NRXN1: variants seen among roughly 807,000 people sequenced by gnomAD.
NRXN1 encodes the protein neurexin 1, also known as neurexin-1.
Under a neutral mutation model 150.9 loss-of-function variants are expected in NRXN1, and 39 were observed. The observed-to-expected ratio is 0.26, with a 90% confidence interval of 0.20 to 0.34. NRXN1 has a LOEUF of 0.34. Ranked by LOEUF, NRXN1 falls within the 10% of genes least tolerant of loss-of-function variation. The probability of loss-of-function intolerance (pLI) is 1.00; values close to 1 mark genes in which losing one functional copy is unlikely to be tolerated. For synonymous variants in NRXN1, 924 were observed against 757.0 expected (o/e 1.22, Z -3.62); for missense variants, 1,815 against 1,949.9 (o/e 0.93, Z 1.30).
intron 21 of NRXN1, chr2:49,974,324 C>G: frequency 2.2e-6 from 1 of 462,674 alleles, no homozygotes; most frequent in Admixed American, 3.3e-5. Flanking sequence ...CGGCACCACT[C>G]AAAAAGTCTC....
chr2:51,024,643 T>C (rs1452083474), intron 2 of NRXN1, among the ~76,000 whole-genome samples: 4 of 152,170 alleles, frequency 2.6e-5, no homozygotes, highest in African/African-American at 9.6e-5. Context: ...CATAAGTTGT[T>C]TCAAGGCACT....
chr2:50,297,671 T>G (rs1041427633), intron 17 of NRXN1, among the ~76,000 whole-genome samples: 7 of 152,184 alleles, frequency 4.6e-5, no homozygotes, highest in Admixed American at 6.5e-5. Context: ...GGTGGTAATT[T>G]AATCAAGACA....
chr2:50,370,907 T>C (rs192565624), intron 17 of NRXN1, among the ~76,000 whole-genome samples: 6 of 152,152 alleles, frequency 3.9e-5, no homozygotes, highest in Non-Finnish European at 7.4e-5. Context: ...GACAGTCTTG[T>C]GTGAACTGAA....
intron 8 of NRXN1, among the ~76,000 whole-genome samples, chr2:50,608,518 A>G (rs1309885238): frequency 6.8e-6 from 1 of 146,992 alleles, no homozygotes; most frequent in Non-Finnish European, 1.5e-5. Flanking sequence ...CCTAAAAACT[A>G]CAGCTTTTAG....
At chr2:50,108,825 C>T (rs1285829548) in intron 18 of NRXN1, among the ~76,000 whole-genome samples, 1 of 151,878 alleles carries the variant, frequency 6.6e-6, no homozygotes, top group Non-Finnish European at 1.5e-5. Flanking sequence ...TCAATCAATG[C>T]AATATGACAG....
intron 18 of NRXN1, among the ~76,000 whole-genome samples, chr2:50,122,243 T>C (rs1052121775): frequency 5.3e-5 from 8 of 152,342 alleles, no homozygotes; most frequent in African/African-American, 1.7e-4. Context: ...AAAAGTACCT[T>C]CTCTTCTGTT....
chr2:50,150,261 G>A (rs1375738207), intron 18 of NRXN1, among the ~76,000 whole-genome samples: 2 of 151,728 alleles, frequency 1.3e-5, no homozygotes, highest in East Asian at 1.9e-4. Context: ...TTGGCATGCA[G>A]TCTTCATGCA....
intron 22 of NRXN1, among the ~76,000 whole-genome samples, chr2:49,926,834 T>C (rs1217252414): frequency 1.3e-5 from 2 of 152,160 alleles, no homozygotes; most frequent in African/African-American, 2.4e-5. Flanking sequence ...AAGAAACACA[T>C]GGGGAAAATA....
At chr2:50,740,819 T>A (rs1214857946) in intron 5 of NRXN1, among the ~76,000 whole-genome samples, 1 of 152,152 alleles carries the variant, frequency 6.6e-6, no homozygotes, top group East Asian at 1.9e-4. Context: ...TATTTTGGAA[T>A]CAGAAATTGA....
intron 5 of NRXN1, among the ~76,000 whole-genome samples, chr2:50,727,584 CT>C (rs1320652535): frequency 6.6e-6 from 1 of 151,994 alleles, no homozygotes; most frequent in African/African-American, 2.4e-5. Context: ...AAAAATACAT[CT>C]TAAAAAAACC....
intron 18 of NRXN1, among the ~76,000 whole-genome samples, chr2:50,136,819 G>T (rs1706483918): frequency 6.6e-6 from 1 of 152,138 alleles, no homozygotes; most frequent in Non-Finnish European, 1.5e-5. Flanking sequence ...TTAATAAGAT[G>T]AGAAACTTAA....
chr2:49,927,462 G>A (rs1669299634), intron 22 of NRXN1, among the ~76,000 whole-genome samples: 1 of 152,288 alleles, frequency 6.6e-6, no homozygotes, highest in South Asian at 2.1e-4. Context: ...AGAAGTTAAA[G>A]CTTGCAATTA....
chr2:50,988,975 C>T (rs963461804), intron 2 of NRXN1, among the ~76,000 whole-genome samples: 1 of 151,744 alleles, frequency 6.6e-6, no homozygotes, highest in African/African-American at 2.4e-5. Flanking sequence ...TATTTATTTT[C>T]TGCCTTTCCC....
Position 50,623,421 on chromosome 2 carries a change from C to T in NRXN1, c.1027G>A (p.Val343Ile), listed in dbSNP as rs1680410538. 2.5e-6 allele frequency: 4 copies of T among 1,613,326 alleles called. No individual in the cohort carries two copies. The East Asian group carries it at 8.9e-5, about 36-fold the overall frequency. ...AAGGCCCCTGATCCCAAATTAATGA[C>T]CAGAGAGACAGCTCCATTTTTCAGG... is the stretch of plus-strand genomic sequence containing the variant. ...LALKNGAVSLVINLGSGAFEA... is the reference protein window; with the variant it reads ...LALKNGAVSLIINLGSGAFEA... The change falls in exon 6 of 23, where the codon GTC becomes ATC. Residue 343 changes from valine (V) to isoleucine (I), a missense_variant. Val to Ile is a conservative substitution (Grantham distance 29). Coordinates refer to ENST00000401669, the MANE Select transcript of NRXN1 (RefSeq NM_001330078.2).
intron 5 of NRXN1, among the ~76,000 whole-genome samples, chr2:50,639,817 C>G (rs1181436061): frequency 6.6e-6 from 1 of 152,092 alleles, no homozygotes; most frequent in Non-Finnish European, 1.5e-5. Context: ...ATGTTAGCCT[C>G]TCAACATCAA....
intron 5 of NRXN1, among the ~76,000 whole-genome samples, chr2:50,629,106 C>G (rs1274408121): frequency 6.6e-6 from 1 of 151,580 alleles, no homozygotes; most frequent in Non-Finnish European, 1.5e-5. Flanking sequence ...TATGATCCAC[C>G]AATTCCACTC....
intron 5 of NRXN1, among the ~76,000 whole-genome samples, chr2:50,899,115 C>T (rs981655019): frequency 1.3e-5 from 2 of 152,086 alleles, no homozygotes; most frequent in Non-Finnish European, 2.9e-5. Flanking sequence ...AAACTACAGT[C>T]GCTAAAATAA....
At chr2:50,747,077 T>G (rs1007836063) in intron 5 of NRXN1, among the ~76,000 whole-genome samples, 3 of 152,054 alleles carry the variant, frequency 2.0e-5, no homozygotes, top group Non-Finnish European at 4.4e-5. Context: ...CTCTCTGTGT[T>G]TTAGGGTAGA....
chr2:50,569,456 G>A (rs1414865075), intron 8 of NRXN1, among the ~76,000 whole-genome samples: 1 of 151,800 alleles, frequency 6.6e-6, no homozygotes, highest in Non-Finnish European at 1.5e-5. Context: ...AGAAAATAAT[G>A]ACCCCAAGAG....
Sources: allele counts gnomAD v4.1 joint callset (sites outside exome capture counted in the v4.1 genomes callset), GRCh38; gene constraint gnomAD v4.1.1; transcripts MANE v1.5; gene names NCBI Gene and HGNC (gene_info 2026-07-23, HGNC 2026-07-21).